TMEM109: variants seen among roughly 807,000 people sequenced by gnomAD.
The protein encoded by TMEM109 is transmembrane protein 109, also known as voltage-gated monoatomic cation channel TMEM109.
TMEM109 carries 19 observed loss-of-function variants against 26.4 expected under a neutral mutation model. That is an observed-to-expected ratio of 0.72 (90% CI 0.50 to 1.06). The LOEUF is 1.06. TMEM109 is among the 50% of genes least tolerant of loss of function. The pLI is 0.00. For missense variants in TMEM109, 262 were observed against 303.4 expected, an observed-to-expected ratio of 0.86 and a Z score of 1.01; for synonymous variants, 129 against 142.0, an observed-to-expected ratio of 0.91 and a Z score of 0.65.
rs1856252204 is a variant in TMEM109 at position 60,922,197 on chromosome 11, C to A, written c.*32C>A. On this transcript the variant is annotated 3_prime_UTR_variant, in exon 4 of 4. Coordinates refer to ENST00000227525, the MANE Select transcript of TMEM109 (RefSeq NM_024092.3). Reference sequence around the variant, plus strand: ...TGCCCCACACACCGCCAGTGTCATACCAAAGAGCTGAGCTGCTTCGGGGCC... The same window carrying A: ...TGCCCCACACACCGCCAGTGTCATAACAAAGAGCTGAGCTGCTTCGGGGCC... 6.4e-7 allele frequency: 1 copy of A among 1,557,658 alleles called. No homozygotes were observed. The highest frequency in any genetic ancestry group is 8.7e-7 in the Non-Finnish European group (1 of 1,150,820).
chr11:60,916,844 C>A lies in TMEM109; in HGVS notation c.-9+2576C>A, dbSNP rs535045858. 2.6e-5 allele frequency among the ~76,000 whole-genome samples: 4 copies of A among 152,294 alleles called. No homozygotes were observed. In the East Asian group the frequency reaches 5.8e-4, roughly 22 times the overall value. On this transcript the variant is annotated intron_variant, in intron 1 of 3. Coordinates refer to ENST00000227525, the MANE Select transcript of TMEM109 (RefSeq NM_024092.3). The stretch of plus-strand genomic sequence containing the variant: ...GGAGCAGCTTATGGCACCCTGACCT[C>A]CTAGGGCTGAGGAAACGATATTTGA...
chr11:60,922,292 G>C lies in TMEM109; in HGVS notation c.*127G>C. 6.5e-7 allele frequency: 1 copy of C among 1,541,928 alleles called. No individual in the cohort carries two copies. The highest frequency in any genetic ancestry group is 8.7e-7 in the Non-Finnish European group (1 of 1,146,758). On this transcript the variant is annotated 3_prime_UTR_variant, in exon 4 of 4. Coordinates refer to ENST00000227525, the MANE Select transcript of TMEM109 (RefSeq NM_024092.3). ...CTGAACCTTCAGAACATTGATCCTT[G>C]CCGCAGCCCCACTAGCCAAGAGAAA...
At chr11:60,916,080 T>C (rs976853612) in intron 1 of TMEM109, among the ~76,000 whole-genome samples, 1 of 152,176 alleles carries the variant, frequency 6.6e-6, no homozygotes, top group Non-Finnish European at 1.5e-5. Flanking sequence ...GCAGGGACTA[T>C]GTCCACTATC....
chr11:60,917,356 G>C (rs1187476657), intron 1 of TMEM109, among the ~76,000 whole-genome samples: 1 of 152,124 alleles, frequency 6.6e-6, no homozygotes, highest in Non-Finnish European at 1.5e-5. Flanking sequence ...CTGATCATCA[G>C]GTCTGAATCA....
In TMEM109 at chr11:60,922,196, ACCAAAGAGCTGAGCTGCTTCGGGG is replaced by A; in HGVS notation, c.*35_*58del. On this transcript the variant is annotated 3_prime_UTR_variant, in exon 4 of 4. Coordinates refer to ENST00000227525, the MANE Select transcript of TMEM109 (RefSeq NM_024092.3). The stretch of plus-strand genomic sequence containing the variant: ...ATGCCCCACACACCGCCAGTGTCAT[ACCAAAGAGCTGAGCTGCTTCGGGG>A]CCATGCAGCCCTCCTGCCAGCCCCC... The A allele has an allele frequency of 6.4e-7, 1 of 1,557,990 alleles. No homozygotes were observed. Among genetic ancestry groups the A allele is most frequent in the Non-Finnish European group, 8.7e-7 (1 of 1,150,990 alleles).
chr11:60,916,087 T>C (rs1856171617), intron 1 of TMEM109, among the ~76,000 whole-genome samples: 1 of 152,150 alleles, frequency 6.6e-6, no homozygotes, highest in Admixed American at 6.5e-5. Flanking sequence ...CTATGTCCAC[T>C]ATCAAGGCAG....
intron 1 of TMEM109, chr11:60,919,208 A>G (rs1856205133): frequency 5.7e-6 from 1 of 176,638 alleles, no homozygotes; most frequent in Non-Finnish European, 1.2e-5. Context: ...ATAACTGAGC[A>G]CTTTTCTTTA....
rs1249753656 is a variant in TMEM109 at position 60,921,946 on chromosome 11, C to T, written c.513C>T (p.Gly171=). 6.2e-7 allele frequency: 1 copy of T among 1,614,048 alleles called. No homozygotes were observed. ...TGAAGCTTGTCATCTTCCTGGCCGG[C>T]TTCGTGGCCCTGATGAGGTCGGTGC... The part of the protein sequence containing the change: ...WGLKLVIFLA[G]FVALMRSVPD... The change falls in exon 4 of 4, where the codon GGC becomes GGT. Residue 171 remains glycine, a synonymous_variant. Coordinates refer to ENST00000227525, the MANE Select transcript of TMEM109 (RefSeq NM_024092.3).
chr11:60,916,287 G>C (rs1431741029), intron 1 of TMEM109, among the ~76,000 whole-genome samples: 2 of 152,170 alleles, frequency 1.3e-5, no homozygotes, highest in Non-Finnish European at 2.9e-5. Flanking sequence ...GAAACAATAA[G>C]CACTCTGTGA....
At chr11:60,916,616 A>G (rs1450670491) in intron 1 of TMEM109, among the ~76,000 whole-genome samples, 4 of 152,238 alleles carry the variant, frequency 2.6e-5, no homozygotes, top group African/African-American at 4.8e-5. Context: ...CAGCCAGCCA[A>G]TCTCTGCACT....
At chr11:60,921,180 G>A (rs930679977) in intron 3 of TMEM109, among the ~76,000 whole-genome samples, 192 bp downstream of exon 3, 6 of 152,160 alleles carry the variant, frequency 3.9e-5, no homozygotes, top group Admixed American at 3.9e-4. Flanking sequence ...TGTAATCCCA[G>A]CACTTTGGGA....
chr11:60,917,938 C>T (rs1055296546), intron 1 of TMEM109, among the ~76,000 whole-genome samples: 2 of 152,172 alleles, frequency 1.3e-5, no homozygotes, highest in African/African-American at 4.8e-5. Flanking sequence ...GTTGGGATTA[C>T]AGGAATGAGC....
At chr11:60,921,728 A>G in intron 3 of TMEM109, 46 bp from the exon 4 acceptor site, 1 of 1,512,606 alleles carries the variant, frequency 6.6e-7, no homozygotes, top group Non-Finnish European at 9.0e-7. Flanking sequence ...CTCTCCCCTC[A>G]CCACTTCTCC....
chr11:60,919,803 G>A lies in TMEM109; in HGVS notation c.110G>A (p.Arg37Gln), dbSNP rs2301726. ...CACTCAGCATTGGCCCAGTCCCGTCGAGACTTTGCACCACCAGGCCAACAG... is the reference window on the plus strand; with the variant it reads ...CACTCAGCATTGGCCCAGTCCCGTCAAGACTTTGCACCACCAGGCCAACAG... Reference protein sequence around the residue: ...LLHSALAQSRRDFAPPGQQKR... With the variant: ...LLHSALAQSRQDFAPPGQQKR... The change falls in exon 2 of 4, where the codon CGA becomes CAA. Residue 37 changes from arginine to glutamine, a missense_variant. Coordinates refer to ENST00000227525, the MANE Select transcript of TMEM109 (RefSeq NM_024092.3). The A allele has an allele frequency of 6.1e-4, 982 of 1,614,118 alleles. 7 individuals are homozygous for A. In the East Asian group the frequency reaches 0.017, roughly 29 times the overall value.
Position 60,919,701 on chromosome 11 carries a change from C to T in TMEM109, c.8C>T (p.Ala3Val). 2 of 1,614,184 alleles carry T rather than the reference C, an allele frequency of 1.2e-6. No homozygotes were observed. The highest frequency in any genetic ancestry group is 8.5e-7 in the Non-Finnish European group (1 of 1,180,014). The part of the protein sequence containing the change: MA[A>V]SSISSPWGKH... Reference sequence around the variant, plus strand: ...CTCCTGGCAGACCCAGTCATGGCAGCCTCCAGCATCAGTTCACCATGGGGA... The same window carrying T: ...CTCCTGGCAGACCCAGTCATGGCAGTCTCCAGCATCAGTTCACCATGGGGA... The change falls in exon 2 of 4, where the codon GCC (alanine) becomes GTC (valine). Residue 3 changes from alanine to valine, a missense_variant. By Grantham distance (64) the Ala-to-Val change is moderately conservative (BLOSUM62 0). Transcript: ENST00000227525.
chr11:60,921,987 G>A lies in TMEM109; in HGVS notation c.554G>A (p.Arg185Gln), dbSNP rs767119432. The A allele has an allele frequency of 3.1e-6, 5 of 1,613,412 alleles. No homozygotes were observed. Among genetic ancestry groups the A allele is most frequent in the Non-Finnish European group, 4.2e-6 (5 of 1,179,962 alleles). The stretch of plus-strand genomic sequence containing the variant: ...AGGTCGGTGCCTGACCCTTCCACCC[G>A]GGCCCTGCTACTCCTGGCCTTGCTG... ...LMRSVPDPST[R>Q]ALLLLALLIL... The change falls in exon 4 of 4, where the codon CGG becomes CAG. Residue 185 changes from arginine to glutamine, a missense_variant. Arg to Gln is a conservative substitution (Grantham distance 43, BLOSUM62 1). Coordinates refer to ENST00000227525, the MANE Select transcript of TMEM109 (RefSeq NM_024092.3).
In TMEM109 at chr11:60,921,001, G is replaced by T; in HGVS notation, c.340+13G>T. 2.5e-6 allele frequency: 4 copies of T among 1,609,094 alleles called. No homozygotes were observed. Among genetic ancestry groups the T allele is most frequent in the Non-Finnish European group, 3.4e-6 (4 of 1,175,584 alleles). ...TTGGGACTAGCTGGTGAGTGTTCGA[G>T]TGCTGGGTAGTCAGCCAGAGCTTTG... On this transcript the variant is annotated intron_variant, in intron 3 of 3. Coordinates refer to ENST00000227525, the MANE Select transcript of TMEM109 (RefSeq NM_024092.3).
Position 60,917,738 on chromosome 11 carries a change from C to T in TMEM109, c.-8-1948C>T, listed in dbSNP as rs189821703. Among the ~76,000 whole-genome samples, 12 of 152,272 alleles carry T rather than the reference C, an allele frequency of 7.9e-5. 1 individual carries two copies. Among genetic ancestry groups the T allele is most frequent in the South Asian group, 2.1e-4 (1 of 4,822 alleles). ...TGGCATGATCATAGCTCACTGCAGCCGTGACCTCCTGGGCTCAAGTGATCC... is the reference window on the plus strand; with the variant it reads ...TGGCATGATCATAGCTCACTGCAGCTGTGACCTCCTGGGCTCAAGTGATCC... On this transcript the variant is annotated intron_variant, in intron 1 of 3. Transcript: ENST00000227525.
intron 1 of TMEM109, chr11:60,918,381 G>C (rs139429590): frequency 6.6e-6 from 1 of 152,116 alleles, no homozygotes; most frequent in East Asian, 1.9e-4. Flanking sequence ...ATCTGGCAAG[G>C]GTCATCCTAT....
Sources: gnomAD v4.1 joint callset for allele counts (sites outside exome capture counted in the v4.1 genomes callset) on GRCh38, gnomAD v4.1.1 for gene constraint, MANE v1.5 for transcripts, NCBI Gene and HGNC (gene_info 2026-07-23, HGNC 2026-07-21) for gene names.